The following DSCAML1 variants were observed in gnomAD, a reference collection of about 807,000 sequenced individuals.
DSCAML1 encodes the protein DS cell adhesion molecule like 1, also known as cell adhesion molecule DSCAML1.
A neutral mutation model predicts 200.5 loss-of-function variants in DSCAML1; 38 were observed. The observed-to-expected ratio is 0.19, with a 90% CI of 0.15 to 0.25. DSCAML1 has a LOEUF of 0.25. Among genes scored for constraint, DSCAML1 ranks in the 10% least tolerant of loss-of-function variants. DSCAML1 has a pLI of 1.00. For missense variants in DSCAML1, 2,223 were observed against 2,858.8 expected, an observed-to-expected ratio of 0.78 and a Z score of 5.07; for synonymous variants, 1,215 against 1,165.0, an observed-to-expected ratio of 1.04 and a Z score of -0.87.
chr11:117,542,070 G>A (rs1290443188), intron 3 of DSCAML1, among the ~76,000 whole-genome samples: 5 of 152,144 alleles, frequency 3.3e-5, no homozygotes, highest in Non-Finnish European at 7.3e-5. Flanking sequence ...AGCACTTTGG[G>A]AGGCCAAGTA....
At chr11:117,730,205 A>C (rs2054197076) in intron 3 of DSCAML1, among the ~76,000 whole-genome samples, 1 of 152,248 alleles carries the variant, frequency 6.6e-6, no homozygotes, top group African/African-American at 2.4e-5. Flanking sequence ...CTAAAAAAAA[A>C]GAGGGAGGCA....
intron 8 of DSCAML1, among the ~76,000 whole-genome samples, chr11:117,511,188 A>G (rs1470403479): frequency 6.6e-6 from 1 of 152,138 alleles, no homozygotes; most frequent in East Asian, 1.9e-4. Context: ...AGGAGGGAAC[A>G]TGGGCATTTG....
chr11:117,775,303 C>T (rs1176102962), intron 3 of DSCAML1, among the ~76,000 whole-genome samples: 3 of 152,222 alleles, frequency 2.0e-5, no homozygotes, highest in Admixed American at 6.5e-5. Context: ...GGGGTCCAAC[C>T]GCTTCTTCTG....
chr11:117,726,527 T>C (rs1035694945), intron 3 of DSCAML1, among the ~76,000 whole-genome samples: 8 of 152,232 alleles, frequency 5.3e-5, no homozygotes, highest in African/African-American at 1.4e-4. Flanking sequence ...TGTCTCTGTT[T>C]GGAAAGGCTG....
intron 3 of DSCAML1, among the ~76,000 whole-genome samples, chr11:117,675,458 T>C (rs2053192305): frequency 6.8e-6 from 1 of 147,044 alleles, no homozygotes; most frequent in Non-Finnish European, 1.5e-5. Flanking sequence ...CCCCTATGCC[T>C]GGCTGATTGA....
chr11:117,528,187 T>G (rs1005029726), intron 4 of DSCAML1, among the ~76,000 whole-genome samples: 7 of 152,174 alleles, frequency 4.6e-5, no homozygotes, highest in Non-Finnish European at 1.0e-4. Flanking sequence ...CCGGTGGGAA[T>G]GGCTGGGATA....
rs905860327 is a variant in DSCAML1, at chr11:117,659,927, T to C, written c.511+116864A>G. 1.7e-4 allele frequency among the ~76,000 whole-genome samples: 26 copies of C among 152,324 alleles called. 1 individual carries two copies. The highest frequency in any genetic ancestry group is 5.3e-4 in the African/African-American group (22 of 41,570). On this transcript the variant is annotated intron_variant, in intron 3 of 32. Transcript: ENST00000651296. Reference sequence around the variant, plus strand: ...TTAGTAGAGACTGGGTTTTACCATGTTGGCCAGGCTGGTCTTGAACTCCTG... The same window carrying C: ...TTAGTAGAGACTGGGTTTTACCATGCTGGCCAGGCTGGTCTTGAACTCCTG...
chr11:117,648,736 T>G (rs1350271344), intron 3 of DSCAML1, among the ~76,000 whole-genome samples: 1 of 152,166 alleles, frequency 6.6e-6, no homozygotes, highest in Non-Finnish European at 1.5e-5. Context: ...CCATAAATGT[T>G]TATTCTCCTC....
intron 4 of DSCAML1, among the ~76,000 whole-genome samples, chr11:117,526,529 A>T (rs532462039): frequency 7.3e-5 from 11 of 151,288 alleles, no homozygotes; most frequent in Admixed American, 2.0e-4. Flanking sequence ...TTTTATTTTT[A>T]TTTTTTTGAG....
chr11:117,586,198 C>T (rs548763923), intron 3 of DSCAML1, among the ~76,000 whole-genome samples: 1 of 149,852 alleles, frequency 6.7e-6, no homozygotes, highest in Admixed American at 6.7e-5. Flanking sequence ...ATGCAGGTCT[C>T]TTGACTCTGG....
Position 117,504,706 on chromosome 11 carries a change from C to T in DSCAML1, c.2182+218G>A, listed in dbSNP as rs1477704251. Reference sequence around the variant, plus strand: ...GCGTCTGGGGGGACAAGAGGAAATACGGAGTCAGCATGATGGCTGTTCCTG... The same window carrying T: ...GCGTCTGGGGGGACAAGAGGAAATATGGAGTCAGCATGATGGCTGTTCCTG... On this transcript the variant is annotated intron_variant, in intron 10 of 32. Coordinates refer to ENST00000651296, the MANE Select transcript of DSCAML1 (RefSeq NM_020693.4). The surrounding 1 kb of genome is among the most constrained non-coding windows in gnomAD (Gnocchi z 5.0). Among the ~76,000 whole-genome samples, 1 of 151,938 alleles carries T rather than the reference C, an allele frequency of 6.6e-6. No individual in the cohort carries two copies. The highest frequency in any genetic ancestry group is 6.6e-5 in the Admixed American group (1 of 15,264).
intron 11 of DSCAML1, among the ~76,000 whole-genome samples, chr11:117,485,444 G>A (rs768089336): frequency 1.3e-5 from 2 of 152,190 alleles, no homozygotes; most frequent in East Asian, 3.9e-4. Flanking sequence ...AGGGGAGCCC[G>A]TTCATGAGGA....
At chr11:117,709,294 G>A (rs892042844) in intron 3 of DSCAML1, among the ~76,000 whole-genome samples, 1 of 152,210 alleles carries the variant, frequency 6.6e-6, no homozygotes, top group Non-Finnish European at 1.5e-5. Flanking sequence ...TAAGGTCAAG[G>A]TGCCAATGGG....
rs73590639 is a variant in DSCAML1, at chr11:117,626,486, G to T, written c.512-93964C>A. 3.8e-3 allele frequency among the ~76,000 whole-genome samples: 584 copies of T among 152,136 alleles called. 7 individuals are homozygous for T. Among genetic ancestry groups the T allele is most frequent in the African/African-American group, 0.013 (550 of 41,500 alleles). ...ATAGTGGGGCAAAGTTAGATGAGTG[G>T]GCCATTATCAGGTAGTTAAAGAGTC... On this transcript the variant is annotated intron_variant, in intron 3 of 32. Coordinates refer to ENST00000651296, the MANE Select transcript of DSCAML1 (RefSeq NM_020693.4).
chr11:117,564,954 C>T lies in DSCAML1; in HGVS notation c.512-32432G>A, dbSNP rs575331410. 3.3e-5 allele frequency among the ~76,000 whole-genome samples: 5 copies of T among 152,070 alleles called. No individual in the cohort carries two copies. In the South Asian group the frequency reaches 6.3e-4, roughly 19 times the overall value. On this transcript the variant is annotated intron_variant, in intron 3 of 32. Transcript: ENST00000651296. The stretch of plus-strand genomic sequence containing the variant: ...CTAATTTTTGTATTTTTAGTAGAGA[C>T]GGGGTTTCACCATGTTGGTCAGGCT...
intron 3 of DSCAML1, among the ~76,000 whole-genome samples, chr11:117,590,485 T>TGTAA (rs1249805639): frequency 6.6e-6 from 1 of 151,894 alleles, no homozygotes; most frequent in Non-Finnish European, 1.5e-5. Context: ...GCCAGACACC[T>TGTAA]GTAAGTTATT....
intron 29 of DSCAML1, 24 bp downstream of exon 29, chr11:117,433,114 G>A (rs1249033736): frequency 1.3e-6 from 2 of 1,593,466 alleles, no homozygotes; most frequent in Non-Finnish European, 1.7e-6. Context: ...GCAGGACAGG[G>A]AACTTGTGGC....
intron 1 of DSCAML1, among the ~76,000 whole-genome samples, chr11:117,814,860 T>C (rs11216561): frequency 0.28 from 43,273 of 152,142 alleles, 6,979 homozygotes; most frequent in Non-Finnish European, 0.37. Context: ...TCCTGGATGA[T>C]TTTATTAGCT....
rs1481360487 is a variant in DSCAML1 at position 117,516,263 on chromosome 11, CG to C, written c.1783+203del. Among the ~76,000 whole-genome samples the C allele has an allele frequency of 2.6e-5, 4 of 152,166 alleles. No homozygotes were observed. Among genetic ancestry groups the C allele is most frequent in the African/African-American group, 9.7e-5 (4 of 41,450 alleles). On this transcript the variant is annotated intron_variant, in intron 8 of 32. Transcript: ENST00000651296. The surrounding 1 kb of genome is among the most constrained non-coding windows in gnomAD (Gnocchi z 5.7). ...TTATTCTGCAGCCCGAGGAGGACCC[CG>C]GATGTAGAGGAGCTCATGGCCTGCG...
Sources: gnomAD v4.1 joint callset for allele counts (sites outside exome capture counted in the v4.1 genomes callset) on GRCh38, gnomAD v4.1.1 for gene constraint, Gnocchi (gnomAD v3.1) non-coding constraint, MANE v1.5 for transcripts, NCBI Gene and HGNC (gene_info 2026-07-23, HGNC 2026-07-21) for gene names.